Variants in BRCA1 observed in about 807,000 individuals in gnomAD.
BRCA1 encodes the protein breast cancer type 1 susceptibility protein.
BRCA1 carries 140 observed loss-of-function variants against 173.7 expected under a neutral mutation model. The observed-to-expected ratio is 0.81, with a 90% CI of 0.70 to 0.93. The LOEUF (loss-of-function observed/expected upper bound fraction) is 0.93, where lower values mean the gene tolerates loss of function less well. BRCA1 is among the 40% of genes least tolerant of loss of function. The pLI is 0.00. For missense variants in BRCA1, 1,983 were observed against 2,172.5 expected (o/e 0.91, Z 1.73); for synonymous variants, 662 against 756.0 (o/e 0.88, Z 2.04).
At chr17:43,155,998 A>G (rs540433132) in intron 1 of BRCA1, among the ~76,000 whole-genome samples, 31 of 152,246 alleles carry the variant, frequency 2.0e-4, no homozygotes, top group African/African-American at 7.0e-4. Flanking sequence ...GCACTTTGGG[A>G]GTCTGAGGCA....
In BRCA1 at chr17:43,090,998, G is replaced by A. The variant is rs80356871; in HGVS notation, c.4131C>T (p.Ser1377=). The change falls in exon 11 of 23, where the codon AGC becomes AGT. Residue 1377 remains serine, a synonymous_variant. Coordinates refer to ENST00000357654, the MANE Select transcript of BRCA1 (RefSeq NM_007294.4). ...EAASGCESET[S]VSEDCSGLSS... Reference sequence around the variant, plus strand: ...ATAGCCCTGAGCAGTCTTCAGAGACGCTTGTTTCACTCTCACACCCAGATG... The same window carrying A: ...ATAGCCCTGAGCAGTCTTCAGAGACACTTGTTTCACTCTCACACCCAGATG... 6.2e-6 allele frequency: 10 copies of A among 1,612,852 alleles called. No homozygotes were observed. Among genetic ancestry groups the A allele is most frequent in the Admixed American group, 3.3e-5 (2 of 59,838 alleles).
chr17:43,096,393 A>AAAG (rs1555593762), intron 8 of BRCA1, among the ~76,000 whole-genome samples: 8 of 149,796 alleles, frequency 5.3e-5, no homozygotes, highest in African/African-American at 2.0e-4. Flanking sequence ...AAAAAAAAAA[A>AAAG]AGAGAGAAAG....
At chr17:43,104,793 GA>G (rs2054665206) in intron 5 of BRCA1, 74 bp downstream of exon 5, 1 of 1,306,770 alleles carries the variant, frequency 7.7e-7, no homozygotes, top group Non-Finnish European at 1.1e-6. Flanking sequence ...CCACGTCATA[GA>G]AAGTAATTGT....
intron 16 of BRCA1, chr17:43,067,393 T>C: frequency 2.3e-6 from 1 of 426,084 alleles, no homozygotes. Context: ...TAGCTGGGAC[T>C]ACAGGCGCAC....
In BRCA1 at chr17:43,097,273, T is replaced by C. The variant is rs768065826; in HGVS notation, c.564A>G (p.Glu188=). The change falls in exon 8 of 23, where the codon GAA becomes GAG. Residue 188 remains glutamate, a synonymous_variant. Transcript: ENST00000357654. The part of the protein sequence containing the change: ...VYIELGSDSS[E]DTVNKATYCS... ...AATAAGTTGCCTTATTAACGGTATC[T>C]TCAGAAGAATCAGATCCTAAAAAAT... 20 of 1,613,668 alleles carry C rather than the reference T, an allele frequency of 1.2e-5. No homozygotes were observed. The highest frequency in any genetic ancestry group is 1.7e-5 in the Non-Finnish European group (20 of 1,179,830).
In BRCA1 at chr17:43,045,799, A is replaced by G. The variant is rs1301025671; in HGVS notation, c.5471T>C (p.Ile1824Thr). The change falls in exon 23 of 23, where the codon ATT (isoleucine) becomes ACT (threonine). Residue 1824 changes from isoleucine (I) to threonine (T), a missense_variant. By Grantham distance (89) the Ile-to-Thr change is moderately conservative (BLOSUM62 -1). Transcript: ENST00000357654. ...AWTEDNGFHA[I>T]GQMCEAPVVT... ...CACAGGTGCCTCACACATCTGCCCA[A>G]TTGCTGGAGACAGAGAACACAAGCA... The G allele has an allele frequency of 3.1e-6, 5 of 1,612,088 alleles. No individual in the cohort carries two copies. The highest frequency in any genetic ancestry group is 4.2e-6 in the Non-Finnish European group (5 of 1,179,094).
In BRCA1 at chr17:43,168,902, C is replaced by G. The variant is rs143030485; in HGVS notation, c.-20+1224G>C. On this transcript the variant is annotated intron_variant, in intron 1 of 7. Coordinates refer to the BRCA1 transcript ENST00000634433. ...TTTTCTTGCATAAAACCAAAATCAA[C>G]AACGACCAAACCAACACCAATCAAG... is the stretch of plus-strand genomic sequence containing the variant. Among the ~76,000 whole-genome samples the G allele has an allele frequency of 2.0e-5, 3 of 152,220 alleles. No individual in the cohort carries two copies. In the East Asian group the frequency reaches 5.8e-4, roughly 29 times the overall value.
At chr17:43,104,326 G>T (rs2054646610) in intron 5 of BRCA1, 65 bp from the exon 6 acceptor site, 2 of 1,486,522 alleles carry the variant, frequency 1.3e-6, no homozygotes, top group Non-Finnish European at 1.9e-6. Context: ...TATAATCAAA[G>T]AAACCAAGAG....
Position 43,063,956 on chromosome 17 carries a change from A to G in BRCA1, c.5075-5T>C, listed in dbSNP as rs775235695. 1 of 1,613,932 alleles carries G rather than the reference A, an allele frequency of 6.2e-7. No individual in the cohort carries two copies. Among genetic ancestry groups the G allele is most frequent in the Admixed American group, 1.7e-5 (1 of 60,020 alleles). On this transcript the variant is annotated splice_polypyrimidine_tract_variant and splice_region_variant and intron_variant, in intron 16 of 22. Transcript: ENST00000357654. ...GTTCACACACAAACTCAGCATCTGC[A>G]GAATGAAAAACACTCAAAGGATTAG... is the stretch of plus-strand genomic sequence containing the variant.
rs1328261486 is a variant in BRCA1, at chr17:43,094,258, A to G, written c.1273T>C (p.Ser425Pro). The change falls in exon 10 of 23, where the codon TCT (serine) becomes CCT (proline). Residue 425 changes from serine to proline, a missense_variant. Physicochemically the swap from Ser to Pro is moderately conservative, Grantham distance 74. Coordinates refer to ENST00000357654, the MANE Select transcript of BRCA1 (RefSeq NM_007294.4). ...GCCAGTAAGTCTATTTTCTCTGAAG[A>G]ACCAGAATATTCATCTACCTCATTT... is the stretch of plus-strand genomic sequence containing the variant. ...VLNEVDEYSG[S>P]SEKIDLLASD... 6.2e-7 allele frequency: 1 copy of G among 1,614,048 alleles called. No individual in the cohort carries two copies. The highest frequency in any genetic ancestry group is 2.2e-5 in the East Asian group (1 of 44,890).
intron 5 of BRCA1, among the ~76,000 whole-genome samples, chr17:43,104,604 CAAATT>C (rs1312979111): frequency 6.6e-6 from 1 of 152,054 alleles, no homozygotes; most frequent in African/African-American, 2.4e-5. Context: ...AGAAAGCACA[CAAATT>C]AAACAAATGA....
chr17:43,051,354 C>A (rs1189288119), intron 19 of BRCA1, among the ~76,000 whole-genome samples: 1 of 152,180 alleles, frequency 6.6e-6, no homozygotes, highest in African/African-American at 2.4e-5. Context: ...TTGACCTGCA[C>A]TCTACAGGCA....
Position 43,106,544 on chromosome 17 carries a change from TAAAG to T in BRCA1, c.135-15_135-12del, listed in dbSNP as rs878854931. On this transcript the variant is annotated splice_polypyrimidine_tract_variant and intron_variant, in intron 3 of 22. Coordinates refer to ENST00000357654, the MANE Select transcript of BRCA1 (RefSeq NM_007294.4). ...TTCAGCATGCAAAATCTATAAATTATAAAGAAAGAAAGAACAATTTAATTTACTT... is the reference window on the plus strand; with the variant it reads ...TTCAGCATGCAAAATCTATAAATTATAAAGAAAGAACAATTTAATTTACTT... The T allele has an allele frequency of 1.9e-6, 3 of 1,560,862 alleles. No individual in the cohort carries two copies. The highest frequency in any genetic ancestry group is 1.7e-5 in the Admixed American group (1 of 59,664).
chr17:43,144,957 T>G lies in BRCA1; in HGVS notation c.-19-20842A>C, dbSNP rs2056109030. The G allele has an allele frequency of 4.9e-6, 3 of 608,954 alleles. No individual in the cohort carries two copies. The Admixed American group carries it at 6.4e-5, about 13-fold the overall frequency. 37.7% of individuals were successfully genotyped at this position (608,954 alleles called of 1,614,324 possible). ...GCACCCACCTTCCCTGCTGCCAGGA[T>G]GCCCAAGAAAAAGGTCAGCTCCACC... On this transcript the variant is annotated intron_variant, in intron 1 of 7. Coordinates refer to the BRCA1 transcript ENST00000634433.
intron 3 of BRCA1, among the ~76,000 whole-genome samples, chr17:43,114,376 A>G (rs1257880804): frequency 1.3e-5 from 2 of 148,566 alleles, no homozygotes; most frequent in Non-Finnish European, 3.0e-5. Context: ...AGCTCTCTGT[A>G]GTAAATACTG....
At chr17:43,100,192 G>A (rs1012830541) in intron 6 of BRCA1, among the ~76,000 whole-genome samples, 7 of 152,148 alleles carry the variant, frequency 4.6e-5, no homozygotes, top group Middle Eastern at 3.4e-3. Context: ...ATAATAAAAT[G>A]TGTGGGATAT....
intron 1 of BRCA1, among the ~76,000 whole-genome samples, chr17:43,157,722 C>T (rs1294521702): frequency 3.3e-5 from 5 of 151,562 alleles, no homozygotes; most frequent in Non-Finnish European, 7.4e-5. Context: ...AAAATCTGGG[C>T]GCAGTGGCTC....
At chr17:43,049,916 C>T in intron 20 of BRCA1, 1 of 394,134 alleles carries the variant, frequency 2.5e-6, no homozygotes, top group Middle Eastern at 6.4e-4. Flanking sequence ...CGAAGGTTGA[C>T]TAACTCACCC....
chr17:43,069,740 C>T (rs1019007009), intron 15 of BRCA1, among the ~76,000 whole-genome samples: 2 of 151,994 alleles, frequency 1.3e-5, no homozygotes, highest in African/African-American at 2.4e-5. Context: ...ATACATCTGG[C>T]CACAGAGATG....
Sources: allele counts gnomAD v4.1 joint callset (sites outside exome capture counted in the v4.1 genomes callset), GRCh38; gene constraint gnomAD v4.1.1; transcripts MANE v1.5; gene names NCBI Gene and HGNC (gene_info 2026-07-23, HGNC 2026-07-21).